Variants in EBF1 observed in about 807,000 individuals in gnomAD.
EBF1 encodes transcription factor COE1.
A neutral mutation model predicts 68.4 loss-of-function variants in EBF1; 10 were observed. The observed-to-expected ratio is 0.15, with a 90% CI of 0.09 to 0.25. EBF1 has a LOEUF of 0.25. Among genes scored for constraint, EBF1 ranks in the 10% least tolerant of loss-of-function variants. The probability of loss-of-function intolerance (pLI) is 1.00; values close to 1 mark genes in which losing one functional copy is unlikely to be tolerated. For missense variants in EBF1, 509 were observed against 794.4 expected, an observed-to-expected ratio of 0.64 and a Z score of 4.32; for synonymous variants, 298 against 299.8, an observed-to-expected ratio of 0.99 and a Z score of 0.06.
intron 6 of EBF1, among the ~76,000 whole-genome samples, chr5:159,036,557 G>T (rs1229100448): frequency 8.0e-6 from 1 of 125,070 alleles, no homozygotes; most frequent in Non-Finnish European, 1.6e-5. Context: ...AATGGGGAAA[G>T]GATTCCCTAT....
intron 8 of EBF1, among the ~76,000 whole-genome samples, chr5:158,811,766 A>G (rs1782715585): frequency 6.6e-6 from 1 of 152,196 alleles, no homozygotes; most frequent in Non-Finnish European, 1.5e-5. Context: ...AAAGTCAAAG[A>G]GTAAACAACC....
chr5:158,827,670 G>C (rs1040401511), intron 7 of EBF1, among the ~76,000 whole-genome samples: 1 of 152,134 alleles, frequency 6.6e-6, no homozygotes, highest in Admixed American at 6.5e-5. Flanking sequence ...GATTCATGAA[G>C]CATAACCTCT....
At chr5:158,801,810 G>C (rs1022218638) in intron 8 of EBF1, among the ~76,000 whole-genome samples, 17 of 152,088 alleles carry the variant, frequency 1.1e-4, no homozygotes, top group Non-Finnish European at 8.8e-5. Flanking sequence ...CCTTCGAACA[G>C]CCACAGAAGG....
chr5:158,944,986 G>A (rs1222381746), intron 6 of EBF1, among the ~76,000 whole-genome samples: 1 of 152,064 alleles, frequency 6.6e-6, no homozygotes, highest in African/African-American at 2.4e-5. Context: ...TTGTCAGATG[G>A]ATAGATTGCA....
At chr5:158,819,134 C>T (rs910271335) in intron 8 of EBF1, among the ~76,000 whole-genome samples, 1 of 151,880 alleles carries the variant, frequency 6.6e-6, no homozygotes, top group African/African-American at 2.4e-5. Flanking sequence ...ACATGCACAC[C>T]AAAATAAAAA....
intron 10 of EBF1, among the ~76,000 whole-genome samples, chr5:158,744,029 G>A (rs965249706): frequency 3.3e-5 from 5 of 152,054 alleles, no homozygotes; most frequent in African/African-American, 1.2e-4. Flanking sequence ...AAATCAGCCA[G>A]GTGTGGTAGT....
At chr5:158,876,206 C>T (rs1797783517) in intron 6 of EBF1, among the ~76,000 whole-genome samples, 1 of 152,290 alleles carries the variant, frequency 6.6e-6, no homozygotes, top group African/African-American at 2.4e-5. Flanking sequence ...CAAGTATTTA[C>T]AGTGAGCTTG....
intron 6 of EBF1, among the ~76,000 whole-genome samples, chr5:159,028,325 T>TAAATATA (rs914292322): frequency 2.0e-4 from 30 of 152,298 alleles, no homozygotes; most frequent in African/African-American, 6.5e-4. Flanking sequence ...GTAAACCCAA[T>TAAATATA]AAATATACTG....
intron 4 of EBF1, among the ~76,000 whole-genome samples, chr5:159,085,510 A>G (rs1238347232): frequency 2.0e-5 from 3 of 152,212 alleles, no homozygotes; most frequent in African/African-American, 7.2e-5. Context: ...AAGGACACCA[A>G]GAAGATTCCC....
intron 6 of EBF1, among the ~76,000 whole-genome samples, chr5:158,947,556 G>A (rs1243300621): frequency 6.6e-6 from 1 of 152,194 alleles, no homozygotes; most frequent in Non-Finnish European, 1.5e-5. Context: ...GATGAACTGG[G>A]AATCTCAGTT....
At chr5:158,922,558 T>C (rs1353352764) in intron 6 of EBF1, among the ~76,000 whole-genome samples, 1 of 152,234 alleles carries the variant, frequency 6.6e-6, no homozygotes, top group East Asian at 1.9e-4. Context: ...CACATTCATT[T>C]TATACAGAAA....
At chr5:158,782,499 A>G (rs1192852395) in intron 9 of EBF1, among the ~76,000 whole-genome samples, 1 of 151,918 alleles carries the variant, frequency 6.6e-6, no homozygotes, top group African/African-American at 2.4e-5. Flanking sequence ...TCTCTACAAA[A>G]AAAAAATTTT....
chr5:159,077,242 C>G (rs937138524), intron 5 of EBF1, among the ~76,000 whole-genome samples: 5 of 152,148 alleles, frequency 3.3e-5, no homozygotes, highest in Non-Finnish European at 7.4e-5. Flanking sequence ...CGGGACTAGC[C>G]TGGCCAACAC....
chr5:158,781,163 T>C (rs551950553), intron 9 of EBF1, among the ~76,000 whole-genome samples: 2 of 152,328 alleles, frequency 1.3e-5, no homozygotes, highest in Non-Finnish European at 1.5e-5. Flanking sequence ...GTGGTTTATG[T>C]ATTTCAGATG....
At chr5:158,857,152 C>A (rs1794194600) in intron 6 of EBF1, among the ~76,000 whole-genome samples, 1 of 151,804 alleles carries the variant, frequency 6.6e-6, no homozygotes, top group Non-Finnish European at 1.5e-5. Context: ...CCTGTTAGAT[C>A]CTTCTGCATT....
At chr5:158,951,560 C>T (rs1815997940) in intron 6 of EBF1, among the ~76,000 whole-genome samples, 1 of 152,142 alleles carries the variant, frequency 6.6e-6, no homozygotes, top group African/African-American at 2.4e-5. Flanking sequence ...CGCCAATGTG[C>T]ATTCATAAAT....
At chr5:159,004,533 A>AGTAG (rs35066031) in intron 6 of EBF1, among the ~76,000 whole-genome samples, 2,654 of 150,516 alleles carry the variant, frequency 0.018, 50 homozygotes, top group African/African-American at 0.051. Flanking sequence ...ACAGAGAGGT[A>AGTAG]GTAGGTAGGT....
intron 4 of EBF1, among the ~76,000 whole-genome samples, chr5:159,093,780 C>T (rs1327579860): frequency 6.6e-6 from 1 of 151,940 alleles, no homozygotes; most frequent in Non-Finnish European, 1.5e-5. Flanking sequence ...ATTCATAGAG[C>T]GATTAATCAC....
chr5:158,750,989 T>A (rs545621995), intron 10 of EBF1, among the ~76,000 whole-genome samples: 90 of 152,206 alleles, frequency 5.9e-4, no homozygotes, highest in Non-Finnish European at 9.9e-4. Flanking sequence ...CCTATTAACA[T>A]GTTTATGAAG....
Sources: gnomAD v4.1 joint callset for allele counts (sites outside exome capture counted in the v4.1 genomes callset) on GRCh38, gnomAD v4.1.1 for gene constraint, MANE v1.5 for transcripts, NCBI Gene and HGNC (gene_info 2026-07-23, HGNC 2026-07-21) for gene names.